Variants in FGF12 observed in about 807,000 individuals in gnomAD.
The protein encoded by FGF12 is fibroblast growth factor 12B.
Under a neutral mutation model 23.6 loss-of-function variants are expected in FGF12, and 14 were observed. The observed-to-expected ratio is 0.59, with a 90% confidence interval of 0.39 to 0.93. FGF12 has a LOEUF of 0.93. Among genes scored for constraint, FGF12 ranks in the 40% least tolerant of loss-of-function variants. FGF12 has a pLI of 0.00. For missense variants in FGF12, 175 were observed against 217.8 expected, an observed-to-expected ratio of 0.80 and a Z score of 1.24; for synonymous variants, 62 against 77.3, an observed-to-expected ratio of 0.80 and a Z score of 1.04.
chr3:192,429,921 T>G (rs181558002), intron 2 of FGF12, among the ~76,000 whole-genome samples: 2 of 152,340 alleles, frequency 1.3e-5, no homozygotes, highest in African/African-American at 4.8e-5. Flanking sequence ...AGATGCTTTC[T>G]TCAAAGCCAC....
intron 2 of FGF12, among the ~76,000 whole-genome samples, chr3:192,446,905 G>C (rs78525752): frequency 0.021 from 3,227 of 152,030 alleles, 143 homozygotes; most frequent in African/African-American, 0.074. Context: ...TCTCACTCCC[G>C]TCCACCATCA....
chr3:192,359,010 G>A (rs1449250472), intron 3 of FGF12, among the ~76,000 whole-genome samples: 4 of 152,160 alleles, frequency 2.6e-5, no homozygotes, highest in African/African-American at 9.6e-5. Flanking sequence ...TCACTAAATC[G>A]ACATTCAGTT....
At chr3:192,554,644 G>T (rs1172631647) in intron 2 of FGF12, among the ~76,000 whole-genome samples, 2 of 151,904 alleles carry the variant, frequency 1.3e-5, no homozygotes, top group Non-Finnish European at 2.9e-5. Context: ...CCAACACAAA[G>T]TTATAAGGCA....
chr3:192,266,091 A>G (rs1713060759), intron 4 of FGF12, among the ~76,000 whole-genome samples: 1 of 152,114 alleles, frequency 6.6e-6, no homozygotes, highest in Admixed American at 6.6e-5. Flanking sequence ...ATCTGCTAAA[A>G]TCGTACTGGT....
At chr3:192,404,897 T>C (rs546463237) in intron 2 of FGF12, among the ~76,000 whole-genome samples, 1 of 152,282 alleles carries the variant, frequency 6.6e-6, no homozygotes, top group South Asian at 2.1e-4. Flanking sequence ...CTCTACCCTA[T>C]CTCTGTTCTA....
intron 4 of FGF12, among the ~76,000 whole-genome samples, chr3:192,246,613 C>T (rs1711582148): frequency 6.6e-6 from 1 of 151,946 alleles, no homozygotes; most frequent in South Asian, 2.1e-4. Context: ...CACCTGAGGT[C>T]AGGAGTTCTA....
chr3:192,241,708 T>C (rs1719626564), intron 4 of FGF12, among the ~76,000 whole-genome samples: 1 of 152,178 alleles, frequency 6.6e-6, no homozygotes, highest in Non-Finnish European at 1.5e-5. Context: ...TAAAATTAAA[T>C]ACATCTCCCC....
intron 2 of FGF12, among the ~76,000 whole-genome samples, chr3:192,683,597 C>T (rs1240620040): frequency 6.6e-5 from 10 of 152,118 alleles, no homozygotes; most frequent in Non-Finnish European, 1.3e-4. Context: ...AAACATTTCC[C>T]CGCTCTATTA....
chr3:192,527,868 G>A (rs759544621), intron 2 of FGF12, among the ~76,000 whole-genome samples: 1 of 152,126 alleles, frequency 6.6e-6, no homozygotes, highest in Non-Finnish European at 1.5e-5. Context: ...AGCTTATGCA[G>A]GGAAACTCCC....
intron 5 of FGF12, among the ~76,000 whole-genome samples, chr3:192,160,457 T>C (rs934169451): frequency 2.0e-5 from 3 of 152,188 alleles, no homozygotes; most frequent in African/African-American, 7.2e-5. Flanking sequence ...CATCTTTGCA[T>C]GGTTTACTAC....
chr3:192,501,481 A>G (rs1724131740), intron 2 of FGF12, among the ~76,000 whole-genome samples: 1 of 152,156 alleles, frequency 6.6e-6, no homozygotes, highest in Non-Finnish European at 1.5e-5. Context: ...CTTCCAGTTG[A>G]AGTCATGGAA....
intron 5 of FGF12, among the ~76,000 whole-genome samples, chr3:192,169,435 G>A (rs1015289995): frequency 6.6e-6 from 1 of 152,152 alleles, no homozygotes; most frequent in South Asian, 2.1e-4. Context: ...TCCTGAGAGG[G>A]GCTAGGGGCT....
chr3:192,389,041 A>C (rs1015807982), intron 2 of FGF12, among the ~76,000 whole-genome samples: 1 of 152,182 alleles, frequency 6.6e-6, no homozygotes. Context: ...AACATAATTA[A>C]TGGCTAACCA....
chr3:192,313,140 T>C (rs983027324), intron 4 of FGF12, among the ~76,000 whole-genome samples: 9 of 152,224 alleles, frequency 5.9e-5, no homozygotes, highest in African/African-American at 1.9e-4. Context: ...TTCATAGCAC[T>C]AATCCTAAAC....
chr3:192,522,114 C>T (rs1392126672), intron 2 of FGF12, among the ~76,000 whole-genome samples: 4 of 149,890 alleles, frequency 2.7e-5, no homozygotes, highest in African/African-American at 9.8e-5. Flanking sequence ...AGGAGAATGG[C>T]GTGAACCCGG....
At chr3:192,522,271 C>A (rs545928117) in intron 2 of FGF12, among the ~76,000 whole-genome samples, 46 of 151,404 alleles carry the variant, frequency 3.0e-4, no homozygotes, top group Non-Finnish European at 5.7e-4. Context: ...ATTTGTAATT[C>A]TGTATTACAT....
intron 4 of FGF12, among the ~76,000 whole-genome samples, chr3:192,246,823 C>G (rs79678667): frequency 2.0e-5 from 1 of 48,806 alleles, no homozygotes; most frequent in Non-Finnish European, 4.1e-5. Flanking sequence ...GAAACTCCGT[C>G]AAAAAAAAAA....
chr3:192,613,662 G>A (rs1339685115), intron 2 of FGF12, among the ~76,000 whole-genome samples: 2 of 151,860 alleles, frequency 1.3e-5, no homozygotes, highest in East Asian at 1.9e-4. Flanking sequence ...GAAAAAAATA[G>A]GTATGATCAA....
At chr3:192,329,369 T>C (rs1462550371) in intron 4 of FGF12, among the ~76,000 whole-genome samples, 5 of 152,170 alleles carry the variant, frequency 3.3e-5, no homozygotes, top group Non-Finnish European at 7.4e-5. Flanking sequence ...CTTTAGTAAG[T>C]CTTATTTTTA....
Sources: gnomAD v4.1 joint callset for allele counts (sites outside exome capture counted in the v4.1 genomes callset) on GRCh38, gnomAD v4.1.1 for gene constraint, MANE v1.5 for transcripts, NCBI Gene and HGNC (gene_info 2026-07-23, HGNC 2026-07-21) for gene names.